Variants in MALRD1 observed in about 807,000 individuals in gnomAD.
The protein encoded by MALRD1 is MAM and LDL-receptor class A domain-containing protein 1.
A neutral mutation model predicts 242.1 loss-of-function variants in MALRD1; 247 were observed. The ratio of observed to expected loss-of-function variants is 1.02; its 90% CI spans 0.92 to 1.13. MALRD1 has a LOEUF of 1.13. Ranked by LOEUF, MALRD1 falls within the 50% of genes most tolerant of loss-of-function variation. The pLI, the probability that MALRD1 is intolerant of heterozygous loss-of-function variation, is 0.00. For missense variants in MALRD1, 2,989 were observed against 2,533.1 expected (o/e 1.18, Z -3.86); for synonymous variants, 995 against 866.6 (o/e 1.15, Z -2.60).
chr10:19,397,180 A>G (rs978009310), intron 28 of MALRD1, among the ~76,000 whole-genome samples: 3 of 152,096 alleles, frequency 2.0e-5, no homozygotes, highest in African/African-American at 7.2e-5. Flanking sequence ...GTGCAAAGAA[A>G]CACCAGGACT....
At position 19,209,397 on chromosome 10, in the gene MALRD1, C is replaced by T. The variant is rs1564468731; in HGVS notation, c.2708C>T (p.Thr903Ile). 3 of 1,551,066 alleles carry T rather than the reference C, an allele frequency of 1.9e-6. No homozygotes were observed. The highest frequency in any genetic ancestry group is 2.6e-6 in the Non-Finnish European group (3 of 1,147,098). ...TLNTGPMKDN[T>I]LGTAKGHYLY... Reference sequence around the variant, plus strand: ...AACACAGGGCCAATGAAAGATAACACTCTGGGCACAGCTAAAGGACACTAT... The same window carrying T: ...AACACAGGGCCAATGAAAGATAACATTCTGGGCACAGCTAAAGGACACTAT... The change falls in exon 18 of 40, where the codon ACT (threonine) becomes ATT (isoleucine). Residue 903 changes from threonine (T) to isoleucine (I), a missense_variant. By Grantham distance (89) the Thr-to-Ile change is moderately conservative. Coordinates refer to ENST00000454679, the MANE Select transcript of MALRD1 (RefSeq NM_001142308.3).
chr10:19,358,519 C>A (rs948615539), intron 26 of MALRD1, among the ~76,000 whole-genome samples: 1 of 152,106 alleles, frequency 6.6e-6, no homozygotes, highest in Non-Finnish European at 1.5e-5. Context: ...CTGTTTAGTG[C>A]AAAGTACGTG....
At chr10:19,341,479 T>C (rs1843857096) in intron 24 of MALRD1, among the ~76,000 whole-genome samples, 1 of 87,912 alleles carries the variant, frequency 1.1e-5, no homozygotes, top group Non-Finnish European at 2.6e-5. Flanking sequence ...TATGTATATA[T>C]ATGTGTATAT....
At chr10:19,498,394 C>A in intron 30 of MALRD1, 91 bp from the exon 31 acceptor site, 1 of 1,094,266 alleles carries the variant, frequency 9.1e-7, no homozygotes, top group Non-Finnish European at 1.3e-6. Context: ...TTAGAATATG[C>A]AGATACTAAT....
intron 8 of MALRD1, among the ~76,000 whole-genome samples, chr10:19,132,361 T>A (rs1241514423): frequency 1.3e-5 from 2 of 152,204 alleles, no homozygotes; most frequent in Non-Finnish European, 2.9e-5. Flanking sequence ...CCATGAAAGC[T>A]ATCAGCCGAA....
chr10:19,722,590 T>TACAAAAAAAAAAAAAAAAAAAAACA (rs1834814237), intron 38 of MALRD1: 1 of 45,366 alleles, frequency 2.2e-5, no homozygotes, highest in Non-Finnish European at 3.6e-5. Flanking sequence ...ACCATGTCTC[T>TACAAAAAAAAAAAAAAAAAAAAACA]AAAAAAAAAA....
intron 24 of MALRD1, among the ~76,000 whole-genome samples, chr10:19,341,789 C>A (rs1843891820): frequency 6.6e-6 from 1 of 151,786 alleles, no homozygotes; most frequent in South Asian, 2.1e-4. Flanking sequence ...GTTAAAAAAA[C>A]AAAGACATTT....
intron 38 of MALRD1, among the ~76,000 whole-genome samples, chr10:19,703,413 G>A (rs1192590558): frequency 5.3e-5 from 8 of 152,082 alleles, no homozygotes; most frequent in African/African-American, 1.9e-4. Context: ...GGCAGGGATG[G>A]GCCAAAAAAG....
intron 36 of MALRD1, among the ~76,000 whole-genome samples, chr10:19,676,725 A>G (rs1033872139): frequency 3.3e-5 from 5 of 152,186 alleles, no homozygotes; most frequent in African/African-American, 9.7e-5. Flanking sequence ...GGTTTGTTAC[A>G]TAGGTAAACA....
rs565219464 is a variant in MALRD1 at position 19,183,617 on chromosome 10, C to G, written c.1951+8289C>G. ...CTTTTTTACATGAGACTGATTATGG[C>G]CTACTTCAAACGGGTTATTAAGTTT... On this transcript the variant is annotated intron_variant, in intron 14 of 39. Coordinates refer to ENST00000454679, the MANE Select transcript of MALRD1 (RefSeq NM_001142308.3). Among the ~76,000 whole-genome samples the G allele has an allele frequency of 3.3e-5, 5 of 152,206 alleles. No individual in the cohort carries two copies. In the East Asian group the frequency reaches 9.7e-4, roughly 29 times the overall value.
chr10:19,662,896 C>G (rs1469002838), intron 36 of MALRD1, among the ~76,000 whole-genome samples: 2 of 152,094 alleles, frequency 1.3e-5, no homozygotes, highest in African/African-American at 4.8e-5. Flanking sequence ...TAAAAAGCTT[C>G]AAGAGAAGAG....
chr10:19,492,113 G>A (rs1837519253), intron 30 of MALRD1, among the ~76,000 whole-genome samples: 3 of 151,800 alleles, frequency 2.0e-5, no homozygotes, highest in South Asian at 4.2e-4. Context: ...TGGAGAAAGA[G>A]GACTGGTTGG....
chr10:19,404,434 A>G (rs1347108442), intron 28 of MALRD1, among the ~76,000 whole-genome samples: 2 of 152,046 alleles, frequency 1.3e-5, no homozygotes, highest in Non-Finnish European at 2.9e-5. Flanking sequence ...AGTATATTCT[A>G]TTTCATATTA....
chr10:19,048,096 G>A (rs1387014916), upstream of MALRD1, among the ~76,000 whole-genome samples: 1 of 152,084 alleles, frequency 6.6e-6, no homozygotes, highest in African/African-American at 2.4e-5. Context: ...CTGAAATCAG[G>A]TGTTTCACTT....
At chr10:19,173,185 G>T (rs1434721813) in intron 13 of MALRD1, among the ~76,000 whole-genome samples, 1 of 151,778 alleles carries the variant, frequency 6.6e-6, no homozygotes, top group Non-Finnish European at 1.5e-5. Flanking sequence ...CATATACTTG[G>T]AAATCTAAAC....
In MALRD1 at chr10:19,387,528, GT is replaced by G; in HGVS notation, c.4445del (p.Phe1482SerfsTer24). 1 of 1,549,294 alleles carries G rather than the reference GT, an allele frequency of 6.5e-7. No homozygotes were observed. Among genetic ancestry groups the G allele is most frequent in the Non-Finnish European group, 8.7e-7 (1 of 1,146,462 alleles). ...CTTGTTTTCTTTTGTTTTGTTTTAGGTTTCTGCCCACTTGGCTATAGGGAAT... is the reference window on the plus strand; with the variant it reads ...CTTGTTTTCTTTTGTTTTGTTTTAGGTTCTGCCCACTTGGCTATAGGGAAT... ...QEELAVPLPT[G>X]FCPLGYRECH... On this transcript the variant is annotated frameshift_variant and splice_region_variant, in exon 27 of 40. Coordinates refer to ENST00000454679, the MANE Select transcript of MALRD1 (RefSeq NM_001142308.3). LOFTEE classifies it high-confidence loss of function.
Position 19,286,308 on chromosome 10 carries a change from G to C in MALRD1, c.3419+3127G>C, listed in dbSNP as rs1259643804. On this transcript the variant is annotated intron_variant, in intron 21 of 39. Transcript: ENST00000454679. ...ACACTATGTTGAATAGGAGCAGTGA[G>C]AGAGGGCATCCCTGTCTTGTGCCAG... Among the ~76,000 whole-genome samples the C allele has an allele frequency of 2.0e-5, 3 of 146,954 alleles. No homozygotes were observed. The East Asian group carries it at 6.2e-4, about 30-fold the overall frequency.
chr10:19,489,143 A>G (rs2184035), intron 29 of MALRD1: 449,192 of 467,938 alleles, frequency 0.96, 215,780 homozygotes, highest in East Asian at 1. Context: ...GCCACAGGAA[A>G]AGCCTAACAG....
intron 36 of MALRD1, among the ~76,000 whole-genome samples, chr10:19,642,026 T>A (rs1195158120): frequency 2.0e-5 from 3 of 152,208 alleles, no homozygotes; most frequent in Non-Finnish European, 4.4e-5. Flanking sequence ...CTTGATCATT[T>A]GGAGAATATT....
Sources: gnomAD v4.1 joint callset for allele counts (sites outside exome capture counted in the v4.1 genomes callset) on GRCh38, gnomAD v4.1.1 for gene constraint, MANE v1.5 for transcripts, NCBI Gene and HGNC (gene_info 2026-07-23, HGNC 2026-07-21) for gene names.